MECOM: variants seen among roughly 807,000 people sequenced by gnomAD.
The protein encoded by MECOM is MDS1 and EVI1 complex locus.
MECOM carries 13 observed loss-of-function variants against 116.3 expected under a neutral mutation model. The observed-to-expected ratio is 0.11, with a 90% CI of 0.07 to 0.18. The LOEUF (loss-of-function observed/expected upper bound fraction) is 0.18. Ranked by LOEUF, MECOM falls within the 10% of genes least tolerant of loss-of-function variation. MECOM has a pLI of 1.00. For missense variants in MECOM, 1,299 were observed against 1,509.0 expected (o/e 0.86, Z 2.31); for synonymous variants, 528 against 535.2 (o/e 0.99, Z 0.19).
intron 2 of MECOM, among the ~76,000 whole-genome samples, chr3:169,235,496 C>A (rs1412739870): frequency 6.6e-6 from 1 of 151,734 alleles, no homozygotes; most frequent in Non-Finnish European, 1.5e-5. Flanking sequence ...CACACACACA[C>A]CTCTCACATA....
intron 12 of MECOM, among the ~76,000 whole-genome samples, chr3:169,096,606 G>A (rs1336192369): frequency 2.6e-5 from 4 of 152,052 alleles, no homozygotes; most frequent in African/African-American, 7.2e-5. Context: ...CAATCTTAGA[G>A]GACAGAAAAT....
intron 2 of MECOM, among the ~76,000 whole-genome samples, chr3:169,185,028 C>T (rs1173999820): frequency 6.6e-6 from 1 of 152,068 alleles, no homozygotes; most frequent in Non-Finnish European, 1.5e-5. Flanking sequence ...AGCCTATTAA[C>T]CCCAAAAGGA....
chr3:169,187,318 T>C (rs1746915769), intron 2 of MECOM, among the ~76,000 whole-genome samples: 3 of 152,192 alleles, frequency 2.0e-5, no homozygotes, highest in African/African-American at 7.2e-5. Context: ...TGCTACACCA[T>C]ACTGTTTCTC....
intron 1 of MECOM, among the ~76,000 whole-genome samples, chr3:169,483,496 A>AG (rs1751687101): frequency 7.1e-6 from 1 of 141,364 alleles, no homozygotes; most frequent in South Asian, 2.4e-4. Flanking sequence ...ATTTTTAAGC[A>AG]GAAAAAAAAA....
At chr3:169,564,622 TATATAAAAA>T (rs1381714277) in intron 1 of MECOM, among the ~76,000 whole-genome samples, 3 of 152,206 alleles carry the variant, frequency 2.0e-5, no homozygotes, top group Non-Finnish European at 4.4e-5. Flanking sequence ...AAGAGCTACT[TATATAAAAA>T]ATGGTATTGC....
chr3:169,440,238 A>G (rs1317414662), intron 1 of MECOM, among the ~76,000 whole-genome samples: 2 of 152,068 alleles, frequency 1.3e-5, no homozygotes, highest in African/African-American at 4.8e-5. Flanking sequence ...TTTTCAATAT[A>G]TCAAGAATTG....
intron 1 of MECOM, among the ~76,000 whole-genome samples, chr3:169,641,239 A>C (rs1249343057): frequency 6.6e-6 from 1 of 152,226 alleles, no homozygotes; most frequent in Admixed American, 6.5e-5. Flanking sequence ...AAAGGAATAG[A>C]CTGGAGGCAC....
chr3:169,349,619 A>C (rs964200536), intron 2 of MECOM, among the ~76,000 whole-genome samples: 6 of 152,024 alleles, frequency 3.9e-5, no homozygotes, highest in African/African-American at 1.4e-4. Flanking sequence ...TTCAATAACC[A>C]TCAGCTGCCA....
chr3:169,171,120 A>G (rs1014259580), intron 2 of MECOM, among the ~76,000 whole-genome samples: 1 of 152,228 alleles, frequency 6.6e-6, no homozygotes, highest in African/African-American at 2.4e-5. Flanking sequence ...ACACATGCAT[A>G]ATTTAATGTT....
chr3:169,283,134 T>C (rs1012864643), intron 2 of MECOM, among the ~76,000 whole-genome samples: 2 of 152,170 alleles, frequency 1.3e-5, no homozygotes, highest in African/African-American at 4.8e-5. Flanking sequence ...TAGAATATAA[T>C]AGATGTTCAG....
intron 1 of MECOM, among the ~76,000 whole-genome samples, chr3:169,472,517 GGAAAGAA>G (rs1749518996): frequency 4.4e-5 from 4 of 90,832 alleles, no homozygotes; most frequent in Non-Finnish European, 8.4e-5. Flanking sequence ...GGAAAGGAAA[GGAAAGAA>G]AAGAAAAGAA....
At chr3:169,327,639 C>CAAAAAAAA (rs771134017) in intron 2 of MECOM, among the ~76,000 whole-genome samples, 3 of 69,538 alleles carry the variant, frequency 4.3e-5, no homozygotes, top group African/African-American at 5.6e-5. Context: ...GACTGTGTCT[C>CAAAAAAAA]AAAAAAAAAA....
chr3:169,418,421 C>A (rs1739098730), intron 1 of MECOM, among the ~76,000 whole-genome samples: 1 of 152,116 alleles, frequency 6.6e-6, no homozygotes, highest in Admixed American at 6.6e-5. Context: ...CATCCTGATA[C>A]AAAAACCTGG....
intron 1 of MECOM, among the ~76,000 whole-genome samples, chr3:169,495,518 A>G (rs1015000181): frequency 6.6e-6 from 1 of 152,204 alleles, no homozygotes; most frequent in African/African-American, 2.4e-5. Context: ...AGAAGAGACT[A>G]TATTTTTCGA....
At chr3:169,133,953 C>A in intron 3 of MECOM, 1 of 1,289,500 alleles carries the variant, frequency 7.8e-7, no homozygotes, top group African/African-American at 1.5e-5. Context: ...TTATTAGCTT[C>A]CTTTCCAACA....
chr3:169,539,125 G>T (rs1759750878), intron 1 of MECOM, among the ~76,000 whole-genome samples: 1 of 151,868 alleles, frequency 6.6e-6, no homozygotes, highest in African/African-American at 2.4e-5. Flanking sequence ...ATATAGAATA[G>T]CTCGTTGTTC....
intron 1 of MECOM, among the ~76,000 whole-genome samples, chr3:169,546,348 A>T (rs1250001980): frequency 1.3e-5 from 2 of 152,224 alleles, no homozygotes; most frequent in Admixed American, 6.5e-5. Context: ...ATGACTGTAA[A>T]ATATACAATT....
chr3:169,615,916 C>A lies in MECOM; in HGVS notation c.37+47420G>T, dbSNP rs140226940. The stretch of plus-strand genomic sequence containing the variant: ...TAAATGATAATTTCCTTCTGTCACA[C>A]AGCAATTCCACTGTGGTGGAACAAA... On this transcript the variant is annotated intron_variant, in intron 1 of 16. Transcript: ENST00000651503. 4.2e-3 allele frequency among the ~76,000 whole-genome samples: 647 copies of A among 152,338 alleles called. 5 individuals are homozygous for A. The highest frequency in any genetic ancestry group is 0.014 in the African/African-American group (564 of 41,580).
chr3:169,525,325 G>A (rs1303474972), intron 1 of MECOM, among the ~76,000 whole-genome samples: 1 of 152,166 alleles, frequency 6.6e-6, no homozygotes, highest in African/African-American at 2.4e-5. Flanking sequence ...TTAGAGTAAG[G>A]AATCAATTCA....
Sources: gnomAD v4.1 joint callset for allele counts (sites outside exome capture counted in the v4.1 genomes callset) on GRCh38, gnomAD v4.1.1 for gene constraint, MANE v1.5 for transcripts, NCBI Gene and HGNC (gene_info 2026-07-23, HGNC 2026-07-21) for gene names.